Variants in CD3D observed in about 807,000 individuals in gnomAD.
CD3D encodes T-cell surface glycoprotein CD3 delta chain.
A neutral mutation model predicts 22.0 loss-of-function variants in CD3D; 22 were observed. That is an observed-to-expected ratio of 1.00 (90% CI 0.71 to 1.43). The LOEUF (loss-of-function observed/expected upper bound fraction) is 1.43. CD3D is among the 40% of genes most tolerant of loss of function. CD3D has a pLI of 0.00. For missense variants in CD3D, 205 were observed against 211.7 expected (o/e 0.97, Z 0.20); for synonymous variants, 74 against 81.2 (o/e 0.91, Z 0.48).
rs1335792864 is a variant in CD3D, at chr11:118,339,869, C to A, written c.312G>T (p.Val104=). Residue 104 remains valine, a synonymous_variant, in exon 3 of 5, where the codon GTG becomes GTT. Transcript: ENST00000300692. ...QSCVELDPAT[V]AGIIVTDVIA... is the part of the protein sequence containing the mutation. Reference sequence around the variant, plus strand: ...TGACATCAGTGACAATGATGCCAGCCACGGTGGCTGGATCCAGCTCCACAC... The same window carrying A: ...TGACATCAGTGACAATGATGCCAGCAACGGTGGCTGGATCCAGCTCCACAC... 6.2e-7 allele frequency: 1 copy of A among 1,613,980 alleles called. No homozygotes were observed. The highest frequency in any genetic ancestry group is 1.1e-5 in the South Asian group (1 of 91,068).
chr11:118,340,299 A>C, intron 2 of CD3D, 76 bp downstream of exon 2: 1 of 1,134,976 alleles, frequency 8.8e-7, no homozygotes, highest in East Asian at 2.3e-5. Flanking sequence ...GGTTCACCAT[A>C]TCCCTCTCTA....
intron 3 of CD3D, 50 bp from the exon 4 acceptor site, chr11:118,339,544 G>C (rs1476559518): frequency 1.9e-6 from 3 of 1,606,110 alleles, no homozygotes; most frequent in Non-Finnish European, 2.6e-6. Flanking sequence ...GGGACTGTGA[G>C]ATCCACCCTC....
intron 1 of CD3D, among the ~76,000 whole-genome samples, chr11:118,342,163 C>T (rs550523201): frequency 6.7e-6 from 1 of 149,174 alleles, no homozygotes; most frequent in Admixed American, 6.6e-5. Flanking sequence ...CTGAAGCTAG[C>T]ACCGAGAAGC....
In CD3D at chr11:118,342,574, G is replaced by C; in HGVS notation, c.34C>G (p.Leu12Val). Residue 12 changes from leucine to valine, a missense_variant, in exon 1 of 5, where the codon CTG (leucine) becomes GTG (valine). By Grantham distance (32) the Leu-to-Val change is conservative. Transcript: ENST00000300692. ...TTACCTTGCGAGAGAAGGGTAGCCA[G>C]TACCAGGCCAGAGAGAAACGTGCTA... ...EHSTFLSGLV[L>V]ATLLSQVSPF... 1 of 1,613,776 alleles carries C rather than the reference G, an allele frequency of 6.2e-7. No individual in the cohort carries two copies. The highest frequency in any genetic ancestry group is 8.5e-7 in the Non-Finnish European group (1 of 1,179,766).
intron 1 of CD3D, among the ~76,000 whole-genome samples, chr11:118,341,931 A>G (rs556823610): frequency 1.3e-4 from 20 of 152,342 alleles, no homozygotes; most frequent in South Asian, 2.1e-4. Context: ...CATCAGGCCT[A>G]AAAGGAGTAG....
At position 118,340,538 on chromosome 11, in the gene CD3D, G is replaced by T. The variant is rs775386500; in HGVS notation, c.111C>A (p.Cys37Ter). The stretch of plus-strand genomic sequence containing the variant: ...CCTCTACCCATGTGATGCTGGTATT[G>T]CAATTCACAAACACTCTGTCCTCAA... The part of the protein sequence containing the change: ...EELEDRVFVN[C>*]NTSITWVEGT... Residue 37 changes from cysteine (C) to a stop codon, truncating the protein, a stop_gained, in exon 2 of 5, where the codon TGC becomes TGA. Coordinates refer to ENST00000300692, the MANE Select transcript of CD3D (RefSeq NM_000732.6). LOFTEE classifies it high-confidence loss of function. 1 of 1,613,864 alleles carries T rather than the reference G, an allele frequency of 6.2e-7. No homozygotes were observed. The highest frequency in any genetic ancestry group is 1.3e-5 in the African/African-American group (1 of 74,880).
At chr11:118,340,343 A>T in intron 2 of CD3D, 32 bp downstream of exon 2, 1 of 1,557,526 alleles carries the variant, frequency 6.4e-7, no homozygotes, top group Non-Finnish European at 8.9e-7. Context: ...AGCCCTATCC[A>T]TTCCAACCCA....
downstream of CD3D, chr11:118,339,070 C>T: frequency 8.5e-7 from 1 of 1,180,750 alleles, no homozygotes. Context: ...AGCCCAGGCA[C>T]CTGCTGAGTG....
chr11:118,340,522 A>G lies in CD3D; in HGVS notation c.127T>C (p.Trp43Arg). Residue 43 changes from tryptophan (W) to arginine (R), a missense_variant, in exon 2 of 5, where the codon TGG becomes CGG. By Grantham distance (101) the Trp-to-Arg change is moderately radical (BLOSUM62 -3). Transcript: ENST00000300692. ...AGTGTTCCCACCGTTCCCTCTACCC[A>G]TGTGATGCTGGTATTGCAATTCACA... ...VFVNCNTSITWVEGTVGTLLS... is the reference protein window; with the variant it reads ...VFVNCNTSITRVEGTVGTLLS... 5 of 1,613,980 alleles carry G rather than the reference A, an allele frequency of 3.1e-6. No individual in the cohort carries two copies. The highest frequency in any genetic ancestry group is 4.2e-6 in the Non-Finnish European group (5 of 1,179,966).
chr11:118,339,436 C>T lies in CD3D; in HGVS notation c.450+15G>A. ...ACCCTCCCTTCATTCCTGCCTCCTT[C>T]CCCTCAACGCTCACCTGATAGACCT... On this transcript the variant is annotated intron_variant, in intron 4 of 4. Coordinates refer to ENST00000300692, the MANE Select transcript of CD3D (RefSeq NM_000732.6). The T allele has an allele frequency of 6.2e-7, 1 of 1,613,932 alleles. No homozygotes were observed. Among genetic ancestry groups the T allele is most frequent in the Non-Finnish European group, 8.5e-7 (1 of 1,179,844 alleles).
In CD3D at chr11:118,339,382, A is replaced by G. The variant is rs554347876; in HGVS notation, c.450+69T>C. 30 of 1,570,666 alleles carry G rather than the reference A, an allele frequency of 1.9e-5. No homozygotes were observed. In the East Asian group the frequency reaches 6.3e-4, roughly 33 times the overall value. Reference sequence around the variant, plus strand: ...AGGACCCTTCCCACGTGCAAACAGCATTCAGTGTGAGCCTCTCTATCCCCA... The same window carrying G: ...AGGACCCTTCCCACGTGCAAACAGCGTTCAGTGTGAGCCTCTCTATCCCCA... On this transcript the variant is annotated intron_variant, in intron 4 of 4. Coordinates refer to ENST00000300692, the MANE Select transcript of CD3D (RefSeq NM_000732.6).
At position 118,340,427 on chromosome 11, in the gene CD3D, A is replaced by G. The variant is rs775134685; in HGVS notation, c.222T>C (p.Asn74=). ...ILDPRGIYRC[N]GTDIYKDKES... is the part of the protein sequence containing the mutation. ...CTTTGTCCTTGTATATATCTGTCCC[A>G]TTACACCTATATATTCCTCGTGGGT... is the stretch of plus-strand genomic sequence containing the variant. The change falls in exon 2 of 5, where the codon AAT becomes AAC. Residue 74 remains asparagine (N), a synonymous_variant. Transcript: ENST00000300692. 6.2e-7 allele frequency: 1 copy of G among 1,614,112 alleles called. No individual in the cohort carries two copies. Among genetic ancestry groups the G allele is most frequent in the Admixed American group, 1.7e-5 (1 of 60,020 alleles).
rs768322685 is a variant in CD3D, at chr11:118,339,437, C to A, written c.450+14G>T. The A allele has an allele frequency of 6.8e-6, 11 of 1,613,860 alleles. No homozygotes were observed. The highest frequency in any genetic ancestry group is 1.7e-5 in the Admixed American group (1 of 60,002). On this transcript the variant is annotated intron_variant, in intron 4 of 4. Coordinates refer to ENST00000300692, the MANE Select transcript of CD3D (RefSeq NM_000732.6). ...CCCTCCCTTCATTCCTGCCTCCTTCCCCTCAACGCTCACCTGATAGACCTG... is the reference window on the plus strand; with the variant it reads ...CCCTCCCTTCATTCCTGCCTCCTTCACCTCAACGCTCACCTGATAGACCTG...
chr11:118,341,513 T>A (rs1049298616), intron 1 of CD3D, among the ~76,000 whole-genome samples: 2 of 152,204 alleles, frequency 1.3e-5, no homozygotes, highest in Non-Finnish European at 2.9e-5. Flanking sequence ...TAGAAAACCC[T>A]GAAACAGCTG....
In CD3D at chr11:118,340,429, T is replaced by G; in HGVS notation, c.220A>C (p.Asn74His). ...TTGTCCTTGTATATATCTGTCCCAT[T>G]ACACCTATATATTCCTCGTGGGTCC... ...ILDPRGIYRC[N>H]GTDIYKDKES... Residue 74 changes from asparagine (N) to histidine (H), a missense_variant, in exon 2 of 5, where the codon AAT (asparagine) becomes CAT (histidine). Physicochemically the swap from Asn to His is moderately conservative, Grantham distance 68 (BLOSUM62 1). Transcript: ENST00000300692. 1 of 1,614,096 alleles carries G rather than the reference T, an allele frequency of 6.2e-7. No homozygotes were observed. The highest frequency in any genetic ancestry group is 8.5e-7 in the Non-Finnish European group (1 of 1,179,958).
intron 1 of CD3D, among the ~76,000 whole-genome samples, chr11:118,342,219 G>A (rs1375375344): frequency 6.6e-6 from 1 of 151,094 alleles, no homozygotes; most frequent in Admixed American, 6.6e-5. Flanking sequence ...TGCCTAGGTT[G>A]GAGGGCAGTG....
In CD3D at chr11:118,339,782, C is replaced by A; in HGVS notation, c.399G>T (p.Leu133=). Reference sequence around the variant, plus strand: ...CTCTGCTCTTCCACTAACCCCCAGACAGCCTTCCAGTCTCATGTCCAGCAA... The same window carrying A: ...CTCTGCTCTTCCACTAACCCCCAGAAAGCCTTCCAGTCTCATGTCCAGCAA... ...FCFAGHETGR[L]SGAADTQALL... The change falls in exon 3 of 5, where the codon CTG becomes CTT. Residue 133 remains leucine (L), a synonymous_variant. Transcript: ENST00000300692. 1 of 1,613,838 alleles carries A rather than the reference C, an allele frequency of 6.2e-7. No individual in the cohort carries two copies. The highest frequency in any genetic ancestry group is 1.3e-5 in the African/African-American group (1 of 74,888).
At chr11:118,341,683 T>C (rs1423107017) in intron 1 of CD3D, among the ~76,000 whole-genome samples, 1 of 152,180 alleles carries the variant, frequency 6.6e-6, no homozygotes, top group Non-Finnish European at 1.5e-5. Flanking sequence ...AGGTGACCAT[T>C]GGACCCAGTT....
rs1294805717 is a variant in CD3D, at chr11:118,340,831, G to A, written c.56-238C>T. 5 of 660,122 alleles carry A rather than the reference G, an allele frequency of 7.6e-6. No homozygotes were observed. In the African/African-American group the frequency reaches 8.9e-5, roughly 12 times the overall value. 40.9% of individuals were successfully genotyped at this position (660,122 alleles called of 1,614,324 possible). On this transcript the variant is annotated intron_variant, in intron 1 of 4. Transcript: ENST00000300692. The stretch of plus-strand genomic sequence containing the variant: ...AGAGGACAGGTCTTGGGGCCTTGGT[G>A]CAAAAGAGGACCCCTCAGAGCAGGA...
Sources: gnomAD v4.1 joint callset for allele counts (sites outside exome capture counted in the v4.1 genomes callset) on GRCh38, gnomAD v4.1.1 for gene constraint, MANE v1.5 for transcripts, NCBI Gene and HGNC (gene_info 2026-07-23, HGNC 2026-07-21) for gene names.